Variants in DMD observed in about 807,000 individuals in gnomAD.
DMD encodes the protein dystrophin, also known as mutant dystrophin.
DMD carries 63 observed loss-of-function variants against 330.1 expected under a neutral mutation model. The observed-to-expected ratio is 0.19, with a 90% CI of 0.16 to 0.24. The LOEUF is 0.24. DMD is among the 10% of genes least tolerant of loss of function. The pLI is 1.00. For synonymous variants in DMD, 1,223 were observed against 959.8 expected (o/e 1.27, Z -5.07); for missense variants, 3,344 against 2,684.1 (o/e 1.25, Z -5.43).
intron 63 of DMD, among the ~76,000 whole-genome samples, chrX:31,237,318 T>G (rs954539504): frequency 7.1e-5 from 8 of 112,246 alleles, no homozygotes; most frequent in Admixed American, 1.9e-4. Context: ...TAGTAAACTA[T>G]GCGTATCTCT....
In DMD at chrX:31,447,784, A is replaced by T. The variant is rs1456195215; in HGVS notation, c.8938-3157T>A. Reference sequence around the variant, plus strand: ...GAGGCTGAGGTGGGTGGATGGGTGGATCACTTGAGGTCAGCAGTTCGAGAC... The same window carrying T: ...GAGGCTGAGGTGGGTGGATGGGTGGTTCACTTGAGGTCAGCAGTTCGAGAC... On this transcript the variant is annotated intron_variant, in intron 59 of 78. Transcript: ENST00000357033. Among the ~76,000 whole-genome samples, 3 of 110,022 alleles carry T rather than the reference A, an allele frequency of 2.7e-5. No homozygotes were observed. The Admixed American group carries it at 2.9e-4, about 11-fold the overall frequency.
At chrX:32,264,875 A>G (rs1170249104) in intron 43 of DMD, among the ~76,000 whole-genome samples, 1 of 112,205 alleles carries the variant, frequency 8.9e-6, no homozygotes, top group Non-Finnish European at 1.9e-5. Context: ...AAAAGCATTC[A>G]GTTTTATGTA....
rs534764792 is a variant in DMD, at chrX:32,712,831, C to G, written c.650-13538G>C. On this transcript the variant is annotated intron_variant, in intron 7 of 78. Transcript: ENST00000357033. Reference sequence around the variant, plus strand: ...TAAATTTGTCGGTATTTTACAGCCTCTAGGTTTTATATCACCTTAATATTA... The same window carrying G: ...TAAATTTGTCGGTATTTTACAGCCTGTAGGTTTTATATCACCTTAATATTA... 6.7e-4 allele frequency among the ~76,000 whole-genome samples: 75 copies of G among 111,465 alleles called. No homozygotes were observed. The South Asian group carries it at 0.027, about 41-fold the overall frequency.
At chrX:31,951,147 A>ATATG (rs2095166595) in intron 45 of DMD, among the ~76,000 whole-genome samples, 1 of 74,491 alleles carries the variant, frequency 1.3e-5, no homozygotes, top group African/African-American at 7.1e-5. Context: ...ATATGTGTAT[A>ATATG]TATATATATA....
At chrX:32,724,434 A>T (rs1462979461) in intron 7 of DMD, among the ~76,000 whole-genome samples, 1 of 111,946 alleles carries the variant, frequency 8.9e-6, no homozygotes, top group East Asian at 2.8e-4. Flanking sequence ...ATTTCACACA[A>T]AATGGTTATT....
chrX:32,664,603 C>T (rs920813915), intron 9 of DMD, among the ~76,000 whole-genome samples: 3 of 111,974 alleles, frequency 2.7e-5, no homozygotes, highest in African/African-American at 6.5e-5. Context: ...CTAAGTTTGA[C>T]TCAAAGATGT....
chrX:32,729,078 A>G (rs186472499), intron 7 of DMD, among the ~76,000 whole-genome samples: 2 of 112,387 alleles, frequency 1.8e-5, no homozygotes, highest in Non-Finnish European at 3.8e-5. Flanking sequence ...AAGTAAGTTC[A>G]ATACAGGTTG....
chrX:32,426,522 C>A (rs1443912544), intron 29 of DMD, among the ~76,000 whole-genome samples: 2 of 111,642 alleles, frequency 1.8e-5, no homozygotes, highest in East Asian at 5.6e-4. Context: ...CATTTATACA[C>A]TGCTGGTGGG....
At chrX:32,695,975 T>C (rs1364455922) in intron 9 of DMD, among the ~76,000 whole-genome samples, 3 of 111,753 alleles carry the variant, frequency 2.7e-5, no homozygotes, top group Non-Finnish European at 5.6e-5. Context: ...TAAAAGCCAT[T>C]TGTCTCTGTG....
chrX:33,339,164 C>T, intron 1 of DMD: 3 of 933,801 alleles, frequency 3.2e-6, no homozygotes, highest in Non-Finnish European at 4.3e-6. Context: ...CGGCAACAAA[C>T]CCCAGCTACC....
intron 1 of DMD, among the ~76,000 whole-genome samples, chrX:33,046,383 C>A (rs1275089424): frequency 1.8e-5 from 2 of 111,322 alleles, no homozygotes; most frequent in African/African-American, 6.5e-5. Flanking sequence ...TAATTTAGTG[C>A]AAAGGTGTAG....
intron 29 of DMD, among the ~76,000 whole-genome samples, chrX:32,423,114 C>T (rs902989653): frequency 2.7e-5 from 3 of 110,822 alleles, no homozygotes; most frequent in African/African-American, 9.8e-5. Flanking sequence ...CACTAAAATG[C>T]TACTTTATCA....
intron 44 of DMD, among the ~76,000 whole-genome samples, chrX:32,010,136 C>T (rs1203857354): frequency 1.8e-5 from 2 of 111,657 alleles, no homozygotes; most frequent in Non-Finnish European, 1.9e-5. Context: ...AGAGCAGAGG[C>T]TCAGAAATGT....
chrX:32,207,414 T>A (rs2097074787), intron 44 of DMD, among the ~76,000 whole-genome samples: 1 of 111,793 alleles, frequency 8.9e-6, no homozygotes, highest in South Asian at 3.7e-4. Context: ...TCTCCAGAAC[T>A]GTGAGCCAAT....
intron 50 of DMD, among the ~76,000 whole-genome samples, chrX:31,812,510 A>G (rs1409821909): frequency 4.6e-5 from 5 of 109,886 alleles, no homozygotes; most frequent in Non-Finnish European, 9.5e-5. Context: ...TGGCACATGT[A>G]TATATATGTA....
At chrX:32,369,433 C>T (rs1050731570) in intron 34 of DMD, among the ~76,000 whole-genome samples, 5 of 111,403 alleles carry the variant, frequency 4.5e-5, no homozygotes, top group African/African-American at 1.6e-4. Flanking sequence ...GTTCAGCTAT[C>T]GGCTCACTTC....
chrX:31,653,258 C>T (rs187053831), intron 54 of DMD, among the ~76,000 whole-genome samples: 97 of 111,081 alleles, frequency 8.7e-4, no homozygotes, highest in Non-Finnish European at 1.6e-3. Flanking sequence ...TAATTTTGAT[C>T]ATTAAAATAC....
chrX:32,619,306 G>A (rs752749719), intron 11 of DMD, among the ~76,000 whole-genome samples: 18 of 111,214 alleles, frequency 1.6e-4, no homozygotes, highest in African/African-American at 2.6e-4. Flanking sequence ...AGAGGCTGAG[G>A]TGGTTATGGG....
intron 54 of DMD, among the ~76,000 whole-genome samples, chrX:31,647,024 C>T (rs181341400): frequency 2.9e-4 from 33 of 112,171 alleles, no homozygotes; most frequent in Admixed American, 2.3e-3. Context: ...CCACATGTAG[C>T]ACCTTGCATT....
Sources: allele counts gnomAD v4.1 joint callset (sites outside exome capture counted in the v4.1 genomes callset), GRCh38; gene constraint gnomAD v4.1.1; transcripts MANE v1.5; gene names NCBI Gene and HGNC (gene_info 2026-07-23, HGNC 2026-07-21).